Variants in TGFBR3 observed in about 807,000 individuals in gnomAD.
TGFBR3 encodes transforming growth factor beta receptor type 3.
A neutral mutation model predicts 87.9 loss-of-function variants in TGFBR3; 46 were observed. The ratio of observed to expected loss-of-function variants is 0.52; its 90% CI spans 0.41 to 0.67. The LOEUF is 0.67. TGFBR3 is among the 30% of genes least tolerant of loss of function. The pLI is 0.00. For synonymous variants in TGFBR3, 381 were observed against 391.6 expected (o/e 0.97, Z 0.32); for missense variants, 866 against 1,041.9 (o/e 0.83, Z 2.32).
At chr1:91,897,773 T>C (rs948185763) in intron 2 of TGFBR3, among the ~76,000 whole-genome samples, 1 of 152,220 alleles carries the variant, frequency 6.6e-6, no homozygotes, top group Admixed American at 6.5e-5. Context: ...GAACAAATCT[T>C]ATTTATAAGA....
chr1:91,738,516 C>T (rs1673042323), intron 4 of TGFBR3, among the ~76,000 whole-genome samples: 1 of 152,156 alleles, frequency 6.6e-6, no homozygotes, highest in African/African-American at 2.4e-5. Context: ...TCCCCCGACA[C>T]ACGTTCTCTC....
intron 3 of TGFBR3, among the ~76,000 whole-genome samples, chr1:91,780,551 C>G (rs866655303): frequency 2.6e-5 from 2 of 77,168 alleles, no homozygotes; most frequent in Non-Finnish European, 4.6e-5. Flanking sequence ...GGGTCTAAGG[C>G]TTTTTTTTTT....
chr1:91,889,345 C>T (rs144424407), upstream of TGFBR3, among the ~76,000 whole-genome samples: 341 of 152,236 alleles, frequency 2.2e-3, 2 homozygotes, highest in Middle Eastern at 0.01. Flanking sequence ...GATTCAATCT[C>T]ACATCCACCG....
intron 3 of TGFBR3, among the ~76,000 whole-genome samples, chr1:91,763,458 T>A (rs1674048287): frequency 6.6e-6 from 1 of 152,130 alleles, no homozygotes; most frequent in Non-Finnish European, 1.5e-5. Context: ...CCAGACCAAA[T>A]AATTCTCTGA....
rs115156236 is a variant in TGFBR3 at position 91,779,339 on chromosome 1, G to A, written c.246+17948C>T. On this transcript the variant is annotated intron_variant, in intron 3 of 16. Coordinates refer to ENST00000212355, the MANE Select transcript of TGFBR3 (RefSeq NM_003243.5). ...TTAATCGTCACAGCAACTCTATGAA[G>A]TAGATACTATGATTATGCCCACATG... Among the ~76,000 whole-genome samples, 796 of 152,306 alleles carry A rather than the reference G, an allele frequency of 5.2e-3. 7 individuals are homozygous for A. The highest frequency in any genetic ancestry group is 0.018 in the African/African-American group (754 of 41,554).
At chr1:91,739,358 A>G (rs538431286) in intron 4 of TGFBR3, among the ~76,000 whole-genome samples, 1 of 152,270 alleles carries the variant, frequency 6.6e-6, no homozygotes, top group East Asian at 1.9e-4. Flanking sequence ...AGGCTTTTCT[A>G]TCCTATCCTT....
In TGFBR3 at chr1:91,797,349, G is replaced by A. The variant is rs747925928; in HGVS notation, c.184C>T (p.Gln62Ter). 2 of 1,614,246 alleles carry A rather than the reference G, an allele frequency of 1.2e-6. No homozygotes were observed. The highest frequency in any genetic ancestry group is 8.5e-7 in the Non-Finnish European group (1 of 1,180,040). Residue 62 changes from glutamine (Q) to a stop codon, truncating the protein, a stop_gained, in exon 3 of 17, where the codon CAG becomes TAG. Coordinates refer to ENST00000212355, the MANE Select transcript of TGFBR3 (RefSeq NM_003243.5). LOFTEE classifies it high-confidence loss of function. The stretch of plus-strand genomic sequence containing the variant: ...CGGAGATTCAGGACATGCACCTCCT[G>A]TGGCAGCCCAGTTGTGCCTCTGCTG... Reference protein sequence around the residue: ...CASRGTTGLPQEVHVLNLRTA... With the variant: ...CASRGTTGLP
chr1:91,726,315 C>T (rs1032370828), intron 7 of TGFBR3, among the ~76,000 whole-genome samples: 12 of 152,210 alleles, frequency 7.9e-5, no homozygotes, highest in African/African-American at 2.9e-4. Flanking sequence ...ATTCCCTTTC[C>T]TGTTTTTGTT....
At chr1:91,806,758 A>G (rs1054111772) in intron 2 of TGFBR3, among the ~76,000 whole-genome samples, 15 of 152,182 alleles carry the variant, frequency 9.9e-5, no homozygotes, top group African/African-American at 3.6e-4. Flanking sequence ...TAATGACACC[A>G]TTGGCTAATA....
At chr1:91,731,869 G>A (rs545791059) in intron 5 of TGFBR3, among the ~76,000 whole-genome samples, 1 of 152,196 alleles carries the variant, frequency 6.6e-6, no homozygotes, top group Non-Finnish European at 1.5e-5. Context: ...TTGTTCAAAA[G>A]TTGATGTTAT....
At chr1:91,802,120 C>G (rs1440500063) in intron 2 of TGFBR3, among the ~76,000 whole-genome samples, 1 of 152,154 alleles carries the variant, frequency 6.6e-6, no homozygotes, top group Admixed American at 6.5e-5. Context: ...ACAAGCCTCT[C>G]TGGCCAAGAA....
intron 3 of TGFBR3, among the ~76,000 whole-genome samples, chr1:91,775,890 T>G (rs1322658063): frequency 6.6e-6 from 1 of 152,202 alleles, no homozygotes; most frequent in Admixed American, 6.5e-5. Flanking sequence ...AACTCCATGG[T>G]CTTTCTTTTG....
chr1:91,884,492 T>C (rs1679216911), intron 1 of TGFBR3, among the ~76,000 whole-genome samples: 1 of 152,220 alleles, frequency 6.6e-6, no homozygotes, highest in East Asian at 1.9e-4. Flanking sequence ...TCAGCTCAAA[T>C]AGAAAGCTGA....
chr1:91,748,793 G>A (rs1186894899), intron 4 of TGFBR3, among the ~76,000 whole-genome samples: 5 of 151,818 alleles, frequency 3.3e-5, no homozygotes, highest in African/African-American at 9.7e-5. Context: ...CTGTCCCTGG[G>A]TTAGAGCCCC....
intron 2 of TGFBR3, among the ~76,000 whole-genome samples, chr1:91,891,866 C>A (rs1433026162): frequency 2.0e-5 from 3 of 152,092 alleles, no homozygotes; most frequent in Admixed American, 6.6e-5. Flanking sequence ...TAACCTAAGG[C>A]CATAATTTAA....
chr1:91,852,468 T>C (rs1677775537), intron 2 of TGFBR3, among the ~76,000 whole-genome samples: 1 of 152,230 alleles, frequency 6.6e-6, no homozygotes, highest in African/African-American at 2.4e-5. Context: ...AAAAATCTAA[T>C]GGAGAAGGTA....
At chr1:91,761,754 G>C (rs905290506) in intron 3 of TGFBR3, among the ~76,000 whole-genome samples, 1 of 151,446 alleles carries the variant, frequency 6.6e-6, no homozygotes, top group Non-Finnish European at 1.5e-5. Context: ...TTTCTCCCAG[G>C]CTTGGGGGAA....
chr1:91,891,907 T>A (rs1679459410), intron 2 of TGFBR3, among the ~76,000 whole-genome samples: 1 of 152,214 alleles, frequency 6.6e-6, no homozygotes, highest in Non-Finnish European at 1.5e-5. Context: ...TCTACGAGAT[T>A]AGAATTTGGT....
At chr1:91,693,774 G>A (rs74103031) in intron 16 of TGFBR3, among the ~76,000 whole-genome samples, 202 of 152,312 alleles carry the variant, frequency 1.3e-3, no homozygotes, top group African/African-American at 4.5e-3. Flanking sequence ...AGCCAACACA[G>A]GCTGCCAACA....
Sources: allele counts gnomAD v4.1 joint callset (sites outside exome capture counted in the v4.1 genomes callset), GRCh38; gene constraint gnomAD v4.1.1; transcripts MANE v1.5; gene names NCBI Gene and HGNC (gene_info 2026-07-23, HGNC 2026-07-21).